CNTNAP5: variants seen among roughly 807,000 people sequenced by gnomAD.
The protein encoded by CNTNAP5 is contactin associated protein family member 5, also known as contactin-associated protein-like 5.
In CNTNAP5, 72 loss-of-function variants were observed where a neutral mutation model predicts 150.2. That is an observed-to-expected ratio of 0.48 (90% confidence interval 0.40 to 0.58). The LOEUF (loss-of-function observed/expected upper bound fraction) is 0.58, where lower values mean the gene tolerates loss of function less well. CNTNAP5 is among the 20% of genes least tolerant of loss of function. The pLI, the probability that CNTNAP5 is intolerant of heterozygous loss-of-function variation, is 0.00. For missense variants in CNTNAP5, 1,636 were observed against 1,626.2 expected, an observed-to-expected ratio of 1.01 and a Z score of -0.10; for synonymous variants, 672 against 619.8, an observed-to-expected ratio of 1.08 and a Z score of -1.25.
chr2:124,204,386 C>T (rs985300384), intron 1 of CNTNAP5, among the ~76,000 whole-genome samples: 1 of 152,174 alleles, frequency 6.6e-6, no homozygotes, highest in Non-Finnish European at 1.5e-5. Context: ...TCCAAACTTT[C>T]CCACATTTTC....
At chr2:124,624,275 T>C (rs900027912) in intron 12 of CNTNAP5, among the ~76,000 whole-genome samples, 2 of 152,236 alleles carry the variant, frequency 1.3e-5, no homozygotes. Flanking sequence ...GAGAAATTCC[T>C]TTCACATACC....
At chr2:124,623,332 C>T (rs1677655999) in intron 12 of CNTNAP5, among the ~76,000 whole-genome samples, 1 of 152,182 alleles carries the variant, frequency 6.6e-6, no homozygotes, top group Non-Finnish European at 1.5e-5. Context: ...GTCTCCCCAT[C>T]CCTTCCACCT....
chr2:124,291,158 G>T (rs780017), intron 3 of CNTNAP5, among the ~76,000 whole-genome samples: 1 of 152,080 alleles, frequency 6.6e-6, no homozygotes, highest in Non-Finnish European at 1.5e-5. Flanking sequence ...TTTGATTTGC[G>T]TATATAGTCA....
At chr2:124,558,184 A>C (rs757275921) in intron 10 of CNTNAP5, among the ~76,000 whole-genome samples, 2 of 152,140 alleles carry the variant, frequency 1.3e-5, no homozygotes, top group Non-Finnish European at 2.9e-5. Flanking sequence ...TATTCTGGTG[A>C]GTGATGCTTG....
intron 4 of CNTNAP5, among the ~76,000 whole-genome samples, chr2:124,423,652 C>CTTTTTTTTTTTTT (rs1187961580): frequency 4.8e-5 from 2 of 41,594 alleles, no homozygotes; most frequent in African/African-American, 1.0e-4. Context: ...GGCTAATTAA[C>CTTTTTTTTTTTTT]TTTTTTTTTT....
intron 13 of CNTNAP5, among the ~76,000 whole-genome samples, chr2:124,698,007 G>A (rs1412994346): frequency 6.6e-6 from 1 of 152,140 alleles, no homozygotes; most frequent in East Asian, 1.9e-4. Flanking sequence ...TTAGCATGAA[G>A]AGGTGTGAGT....
At chr2:124,886,469 G>A (rs1416007216) in intron 21 of CNTNAP5, among the ~76,000 whole-genome samples, 1 of 151,954 alleles carries the variant, frequency 6.6e-6, no homozygotes, top group Non-Finnish European at 1.5e-5. Context: ...AACATTATAT[G>A]ATTTTGTGAT....
chr2:124,242,336 G>A lies in CNTNAP5; in HGVS notation c.324G>A (p.Leu108=). The A allele has an allele frequency of 6.2e-7, 1 of 1,613,418 alleles. No individual in the cohort carries two copies. Among genetic ancestry groups the A allele is most frequent in the Non-Finnish European group, 8.5e-7 (1 of 1,179,720 alleles). The change falls in exon 3 of 24, where the codon CTG becomes CTA. Residue 108 remains leucine (L), a synonymous_variant. Transcript: ENST00000682447. ...GSSDWVTSYS[L]MFSDTGRNWK... Reference sequence around the variant, plus strand: ...CTGACTGGGTGACGAGTTACAGCCTGATGTTCAGTGACACAGGACGCAACT... The same window carrying A: ...CTGACTGGGTGACGAGTTACAGCCTAATGTTCAGTGACACAGGACGCAACT...
chr2:124,165,541 A>G (rs982100546), intron 1 of CNTNAP5, among the ~76,000 whole-genome samples: 17 of 152,248 alleles, frequency 1.1e-4, no homozygotes, highest in Admixed American at 8.5e-4. Flanking sequence ...CACGCACTTT[A>G]TGTTAAAAAC....
At chr2:124,698,963 G>A (rs1475603601) in intron 13 of CNTNAP5, among the ~76,000 whole-genome samples, 1 of 152,120 alleles carries the variant, frequency 6.6e-6, no homozygotes, top group Non-Finnish European at 1.5e-5. Flanking sequence ...GTATGATGAT[G>A]GACATGTTCT....
At chr2:124,480,286 TA>T in intron 7 of CNTNAP5, among the ~76,000 whole-genome samples, 1 of 152,292 alleles carries the variant, frequency 6.6e-6, no homozygotes, top group South Asian at 2.1e-4. Flanking sequence ...ATAAGGAACT[TA>T]AAAAAGTGTT....
intron 13 of CNTNAP5, among the ~76,000 whole-genome samples, chr2:124,711,228 A>C (rs1292480222): frequency 1.3e-5 from 2 of 152,016 alleles, no homozygotes; most frequent in African/African-American, 4.8e-5. Flanking sequence ...CAGAGTTCAC[A>C]CCACTGCACT....
At chr2:124,284,911 C>A (rs1339338384) in intron 3 of CNTNAP5, among the ~76,000 whole-genome samples, 1 of 152,012 alleles carries the variant, frequency 6.6e-6, no homozygotes, top group African/African-American at 2.4e-5. Flanking sequence ...CCTGTGTGAA[C>A]CAGGGAGTTC....
intron 4 of CNTNAP5, among the ~76,000 whole-genome samples, chr2:124,419,897 T>TGG (rs1438179762): frequency 9.8e-5 from 2 of 20,488 alleles, no homozygotes; most frequent in African/African-American, 4.1e-4. Context: ...CTGGATTGGT[T>TGG]TTCTTTCTTT....
At chr2:124,839,829 AG>A in intron 19 of CNTNAP5, among the ~76,000 whole-genome samples, 1 of 152,254 alleles carries the variant, frequency 6.6e-6, no homozygotes, top group East Asian at 1.9e-4. Context: ...TCAATTGTGA[AG>A]GGCTTCTTGG....
At chr2:124,424,547 C>T (rs542523127) in intron 4 of CNTNAP5, among the ~76,000 whole-genome samples, 65 of 152,258 alleles carry the variant, frequency 4.3e-4, no homozygotes, top group Non-Finnish European at 7.1e-4. Flanking sequence ...CTCATAGTTC[C>T]TATAGGAATG....
intron 1 of CNTNAP5, among the ~76,000 whole-genome samples, chr2:124,127,136 G>T (rs1470577740): frequency 6.6e-6 from 1 of 152,132 alleles, no homozygotes; most frequent in African/African-American, 2.4e-5. Context: ...GTTTGCAGAT[G>T]ACATATTGTA....
intron 11 of CNTNAP5, among the ~76,000 whole-genome samples, chr2:124,565,948 G>A (rs899109882): frequency 5.1e-4 from 58 of 113,700 alleles, no homozygotes; most frequent in Non-Finnish European, 9.8e-4. Flanking sequence ...TCAATTGAGG[G>A]ATCCTTTTTT....
intron 7 of CNTNAP5, among the ~76,000 whole-genome samples, chr2:124,477,522 T>A (rs1693669633): frequency 1.3e-5 from 2 of 152,132 alleles, no homozygotes; most frequent in Non-Finnish European, 2.9e-5. Context: ...ATTACCTCAC[T>A]GGCTCTAGAA....
Sources: allele counts gnomAD v4.1 joint callset (sites outside exome capture counted in the v4.1 genomes callset), GRCh38; gene constraint gnomAD v4.1.1; transcripts MANE v1.5; gene names NCBI Gene and HGNC (gene_info 2026-07-23, HGNC 2026-07-21).